Variants in MAML3 observed in about 807,000 individuals in gnomAD.
MAML3 encodes the protein mastermind-like protein 3.
In MAML3, 27 loss-of-function variants were observed where a neutral mutation model predicts 101.9. That is an observed-to-expected ratio of 0.27 (90% CI 0.20 to 0.37). The LOEUF is 0.37. Among genes scored for constraint, MAML3 ranks in the 10% least tolerant of loss-of-function variants. The pLI, the probability that MAML3 is intolerant of heterozygous loss-of-function variation, is 1.00. For synonymous variants in MAML3, 501 were observed against 555.9 expected, an observed-to-expected ratio of 0.90 and a Z score of 1.39; for missense variants, 1,316 against 1,444.9, an observed-to-expected ratio of 0.91 and a Z score of 1.45.
rs1170229573 is a variant in MAML3 at position 139,807,614 on chromosome 4, C to T, written c.2080-76947G>A. Reference sequence around the variant, plus strand: ...AAGGGAGCATACACGTACCCTAAAACAGTCCGTGCCTCAGTGGCAGAAGAG... The same window carrying T: ...AAGGGAGCATACACGTACCCTAAAATAGTCCGTGCCTCAGTGGCAGAAGAG... On this transcript the variant is annotated intron_variant, in intron 2 of 4. Coordinates refer to ENST00000509479, the MANE Select transcript of MAML3 (RefSeq NM_018717.5). Among the ~76,000 whole-genome samples the T allele has an allele frequency of 3.3e-5, 5 of 152,222 alleles. No homozygotes were observed. In the East Asian group the frequency reaches 9.6e-4, roughly 29 times the overall value.
intron 2 of MAML3, among the ~76,000 whole-genome samples, chr4:139,852,416 T>G (rs1173737271): frequency 2.9e-5 from 4 of 137,174 alleles, no homozygotes; most frequent in East Asian, 2.1e-4. Context: ...TTTTTTTTTT[T>G]TTTTTTTTTT....
rs17050990 is a variant in MAML3, at chr4:139,899,073, T to C, written c.469-8106A>G. ...TTGGGACACAAGGTGGGGGCACAGG[T>C]ATCTAAAGAAACTGAATAAAAACCT... On this transcript the variant is annotated intron_variant, in intron 1 of 4. Coordinates refer to ENST00000509479, the MANE Select transcript of MAML3 (RefSeq NM_018717.5). Among the ~76,000 whole-genome samples the C allele has an allele frequency of 3.5e-3, 535 of 152,344 alleles. 4 individuals are homozygous for C. The highest frequency in any genetic ancestry group is 0.012 in the African/African-American group (504 of 41,584).
At chr4:140,121,163 G>C (rs763189939) in intron 1 of MAML3, among the ~76,000 whole-genome samples, 335 of 152,202 alleles carry the variant, frequency 2.2e-3, no homozygotes, top group Non-Finnish European at 3.8e-3. Context: ...TAAAGCTTTG[G>C]GATTGTTTTT....
chr4:140,135,593 A>T (rs1260478943), intron 1 of MAML3, among the ~76,000 whole-genome samples: 1 of 152,268 alleles, frequency 6.6e-6, no homozygotes, highest in African/African-American at 2.4e-5. Flanking sequence ...GCCACCGTAC[A>T]GCAAGGCTGG....
intron 1 of MAML3, among the ~76,000 whole-genome samples, chr4:140,130,961 G>T (rs1311315242): frequency 6.6e-6 from 1 of 151,990 alleles, no homozygotes; most frequent in Non-Finnish European, 1.5e-5. Context: ...GAAGACCCAG[G>T]TTCTAAATAG....
At chr4:140,033,480 G>C (rs1726938635) in intron 1 of MAML3, among the ~76,000 whole-genome samples, 1 of 152,166 alleles carries the variant, frequency 6.6e-6, no homozygotes, top group South Asian at 2.1e-4. Flanking sequence ...GAAAAACAAA[G>C]ATCAGAAGGA....
intron 1 of MAML3, among the ~76,000 whole-genome samples, chr4:139,928,963 A>T (rs1231749039): frequency 7.2e-5 from 11 of 152,200 alleles, no homozygotes; most frequent in Non-Finnish European, 1.0e-4. Context: ...AACAGCTGTG[A>T]AGAGGAAGGG....
At chr4:139,973,601 C>T (rs1157389675) in intron 1 of MAML3, among the ~76,000 whole-genome samples, 1 of 152,104 alleles carries the variant, frequency 6.6e-6, no homozygotes, top group Admixed American at 6.5e-5. Context: ...AAGTCAGGCC[C>T]CAGTCAGGAT....
chr4:140,061,013 T>A (rs936371165), intron 1 of MAML3, among the ~76,000 whole-genome samples: 1 of 152,120 alleles, frequency 6.6e-6, no homozygotes, highest in Non-Finnish European at 1.5e-5. Context: ...CAAGTTACCA[T>A]GAAGAAATAT....
At chr4:139,790,244 A>ATATATATAT (rs1560795077) in intron 2 of MAML3, among the ~76,000 whole-genome samples, 2 of 95,444 alleles carry the variant, frequency 2.1e-5, no homozygotes, top group African/African-American at 3.9e-5. Context: ...TATATATATA[A>ATATATATAT]ATAAATATAT....
chr4:139,795,765 C>T (rs1221442830), intron 2 of MAML3, among the ~76,000 whole-genome samples: 2 of 152,224 alleles, frequency 1.3e-5, no homozygotes, highest in Non-Finnish European at 2.9e-5. Context: ...GCTGACCCCA[C>T]TTGCAACATG....
At chr4:139,961,950 T>TA (rs777523946) in intron 1 of MAML3, among the ~76,000 whole-genome samples, 34 of 151,876 alleles carry the variant, frequency 2.2e-4, no homozygotes, top group Non-Finnish European at 2.9e-4. Flanking sequence ...TCTGTCTCTA[T>TA]AAAAAAATAC....
At chr4:140,032,734 GATTT>G (rs1162812474) in intron 1 of MAML3, among the ~76,000 whole-genome samples, 1 of 152,052 alleles carries the variant, frequency 6.6e-6, no homozygotes, top group Non-Finnish European at 1.5e-5. Context: ...CATTTCTAAA[GATTT>G]ATTCTGAGGA....
At chr4:140,010,931 C>T (rs1726541243) in intron 1 of MAML3, among the ~76,000 whole-genome samples, 1 of 151,442 alleles carries the variant, frequency 6.6e-6, no homozygotes, top group African/African-American at 2.4e-5. Context: ...GGTGAAACCC[C>T]GTCTCTATTC....
At chr4:139,867,628 T>G (rs1044600834) in intron 2 of MAML3, among the ~76,000 whole-genome samples, 4 of 152,226 alleles carry the variant, frequency 2.6e-5, no homozygotes, top group African/African-American at 9.6e-5. Context: ...ATCTGTTGAT[T>G]CCAAATTTGG....
At chr4:139,782,210 T>C (rs1365396447) in intron 2 of MAML3, among the ~76,000 whole-genome samples, 3 of 152,214 alleles carry the variant, frequency 2.0e-5, no homozygotes, top group East Asian at 3.9e-4. Context: ...TTACTCAGTC[T>C]GGAGTGTAGT....
chr4:139,750,850 A>T lies in MAML3; in HGVS notation c.2080-20183T>A, dbSNP rs75712385. Among the ~76,000 whole-genome samples the T allele has an allele frequency of 8.5e-5, 13 of 152,284 alleles. 1 individual carries two copies. Among genetic ancestry groups the T allele is most frequent in the Non-Finnish European group, 5.9e-5 (4 of 68,016 alleles). ...CTCCCTACCCCCTTTTAAAAACTGAAGTGGGAGGAAGTTTCAGAAGAAGGG... is the reference window on the plus strand; with the variant it reads ...CTCCCTACCCCCTTTTAAAAACTGATGTGGGAGGAAGTTTCAGAAGAAGGG... On this transcript the variant is annotated intron_variant, in intron 2 of 4. Coordinates refer to ENST00000509479, the MANE Select transcript of MAML3 (RefSeq NM_018717.5).
At chr4:139,971,606 T>C (rs761224332) in intron 1 of MAML3, among the ~76,000 whole-genome samples, 5 of 152,254 alleles carry the variant, frequency 3.3e-5, no homozygotes, top group Non-Finnish European at 5.9e-5. Flanking sequence ...ATTTTTGCAT[T>C]AGTCATATTT....
In MAML3 at chr4:139,993,351, C is replaced by CA. The variant is rs36164698; in HGVS notation, c.469-102385dup. Reference sequence around the variant, plus strand: ...TGGGTGACAGAGTGAGACTCCATCTCAAAAAAAAAAAAAAAATAGACATAC... The same window carrying CA: ...TGGGTGACAGAGTGAGACTCCATCTCAAAAAAAAAAAAAAAAATAGACATAC... On this transcript the variant is annotated intron_variant, in intron 1 of 4. Coordinates refer to ENST00000509479, the MANE Select transcript of MAML3 (RefSeq NM_018717.5). 7.9e-3 allele frequency among the ~76,000 whole-genome samples: 1,007 copies of CA among 127,374 alleles called. 12 individuals are homozygous for CA. The highest frequency in any genetic ancestry group is 0.028 in the African/African-American group (946 of 34,164). The allele number at this position is 127,374 out of a possible 152,430, so 83.6% of individuals were successfully genotyped here.
Sources: gnomAD v4.1 joint callset for allele counts (sites outside exome capture counted in the v4.1 genomes callset) on GRCh38, gnomAD v4.1.1 for gene constraint, MANE v1.5 for transcripts, NCBI Gene and HGNC (gene_info 2026-07-23, HGNC 2026-07-21) for gene names.